MRTFA: variants seen among roughly 807,000 people sequenced by gnomAD.
MRTFA encodes myocardin related transcription factor A, also known as myocardin-related transcription factor A.
Under a neutral mutation model 83.5 loss-of-function variants are expected in MRTFA, and 20 were observed. The ratio of observed to expected loss-of-function variants is 0.24; its 90% confidence interval spans 0.17 to 0.35. The LOEUF is 0.35. MRTFA is among the 10% of genes least tolerant of loss of function. The pLI, the probability that MRTFA is intolerant of heterozygous loss-of-function variation, is 1.00. For missense variants in MRTFA, 1,200 were observed against 1,224.7 expected, an observed-to-expected ratio of 0.98 and a Z score of 0.30; for synonymous variants, 659 against 541.2, an observed-to-expected ratio of 1.22 and a Z score of -3.02.
chr22:40,553,164 T>C (rs915533438), intron 2 of MRTFA, among the ~76,000 whole-genome samples: 1 of 152,176 alleles, frequency 6.6e-6, no homozygotes, highest in African/African-American at 2.4e-5. Context: ...CGGCAAAGCA[T>C]TCAAGAGGAA....
chr22:40,543,702 A>T (rs7289389), intron 3 of MRTFA, among the ~76,000 whole-genome samples: 31,976 of 152,220 alleles, frequency 0.21, 3,880 homozygotes, highest in Admixed American at 0.39. Flanking sequence ...GAAAAATTTT[A>T]AAAACCCATT....
chr22:40,603,351 A>G (rs1027870866), intron 1 of MRTFA, among the ~76,000 whole-genome samples: 8 of 152,220 alleles, frequency 5.3e-5, no homozygotes, highest in Non-Finnish European at 1.0e-4. Context: ...AATTTACAAC[A>G]TCAAAAAGTA....
Position 40,423,569 on chromosome 22 carries a change from G to A in MRTFA, c.894C>T (p.Ile298=). Residue 298 remains isoleucine, a synonymous_variant, in exon 9 of 15, where the codon ATC becomes ATT. Transcript: ENST00000355630. The stretch of plus-strand genomic sequence containing the variant: ...GTGTGGGGGTGGACTTGGCAGTGGG[G>A]ATAGTGGTTCCATTGGTGAGGCTGG... 11 of 1,588,292 alleles carry A rather than the reference G, an allele frequency of 6.9e-6. No homozygotes were observed. Among genetic ancestry groups the A allele is most frequent in the Non-Finnish European group, 9.4e-6 (11 of 1,165,956 alleles).
intron 4 of MRTFA, among the ~76,000 whole-genome samples, chr22:40,442,249 T>C (rs1013222779): frequency 5.9e-5 from 9 of 152,322 alleles, no homozygotes; most frequent in Middle Eastern, 3.4e-3. Context: ...GTAATAAAAA[T>C]GATGGTTCCT....
At chr22:40,419,786 T>G (rs538446312) in intron 11 of MRTFA, among the ~76,000 whole-genome samples, 2 of 152,186 alleles carry the variant, frequency 1.3e-5, no homozygotes, top group Non-Finnish European at 2.9e-5. Context: ...AGGGAGAGCT[T>G]GGTCCAATCC....
At chr22:40,437,627 G>T (rs2053196514) in intron 4 of MRTFA, among the ~76,000 whole-genome samples, 1 of 152,004 alleles carries the variant, frequency 6.6e-6, no homozygotes, top group African/African-American at 2.4e-5. Flanking sequence ...TACAGGCATG[G>T]TAGAGGGTGC....
At chr22:40,544,063 G>T (rs2055328540) in intron 3 of MRTFA, among the ~76,000 whole-genome samples, 1 of 152,050 alleles carries the variant, frequency 6.6e-6, no homozygotes, top group Non-Finnish European at 1.5e-5. Context: ...TAGCTCTGTT[G>T]ATTAGTGGGG....
chr22:40,584,264 A>G (rs1206816326), intron 2 of MRTFA, among the ~76,000 whole-genome samples: 1 of 152,230 alleles, frequency 6.6e-6, no homozygotes, highest in Non-Finnish European at 1.5e-5. Flanking sequence ...AAGGGTTGTA[A>G]GCAATTTGCC....
At chr22:40,554,144 G>A (rs2055485044) in intron 2 of MRTFA, among the ~76,000 whole-genome samples, 1 of 152,194 alleles carries the variant, frequency 6.6e-6, no homozygotes, top group Admixed American at 6.5e-5. Context: ...CGATTTTACA[G>A]GCTCATAGGT....
At chr22:40,621,797 G>C (rs988224682) in intron 1 of MRTFA, among the ~76,000 whole-genome samples, 1 of 152,144 alleles carries the variant, frequency 6.6e-6, no homozygotes, top group Non-Finnish European at 1.5e-5. Flanking sequence ...AATTTTCCCT[G>C]CTGGATTTTG....
At chr22:40,539,596 G>T (rs1030093154) in intron 3 of MRTFA, among the ~76,000 whole-genome samples, 1 of 144,316 alleles carries the variant, frequency 6.9e-6, no homozygotes, top group African/African-American at 2.4e-5. Flanking sequence ...TCCGCCTCCC[G>T]GGTTCAAGCG....
In MRTFA at chr22:40,477,175, C is replaced by CA. The variant is rs55932110; in HGVS notation, c.242-13890dup. Among the ~76,000 whole-genome samples, 372 of 59,608 alleles carry CA rather than the reference C, an allele frequency of 6.2e-3. 5 individuals carry two copies. The highest frequency in any genetic ancestry group is 0.024 in the East Asian group (38 of 1,576). 39.1% of individuals were successfully genotyped at this position (59,608 alleles called of 152,430 possible). ...TGAAACCCTGTCTCTACTAAAAATA[C>CA]AAAAAAAAAAAAAAAAAAAAAAAAA... is the stretch of plus-strand genomic sequence containing the variant. On this transcript the variant is annotated intron_variant, in intron 3 of 14. Coordinates refer to ENST00000355630, the MANE Select transcript of MRTFA (RefSeq NM_020831.6).
chr22:40,435,936 CA>C (rs201938817), intron 4 of MRTFA, among the ~76,000 whole-genome samples: 3,408 of 106,684 alleles, frequency 0.032, 77 homozygotes, highest in African/African-American at 0.09. Context: ...AACCGTCCCC[CA>C]AAAAAAAAAA....
chr22:40,508,599 A>T (rs2147237558), intron 3 of MRTFA, among the ~76,000 whole-genome samples: 1 of 151,908 alleles, frequency 6.6e-6, no homozygotes, highest in South Asian at 2.1e-4. Flanking sequence ...TTCATACTGA[A>T]ATCTTTGGCC....
rs2052598537 is a variant in MRTFA, at chr22:40,413,169, A to ATGATGGGT, written c.2579-1270_2579-1263dup. On this transcript the variant is annotated intron_variant, in intron 14 of 14. Coordinates refer to ENST00000355630, the MANE Select transcript of MRTFA (RefSeq NM_020831.6). ...AAAAAAAAAAAAAAAAAAAAAGGTT[A>ATGATGGGT]TGATGGGTTGGGCACAGTGGCTCAC... 1.1e-4 allele frequency among the ~76,000 whole-genome samples: 16 copies of ATGATGGGT among 141,342 alleles called. No individual in the cohort carries two copies. In the South Asian group the frequency reaches 3.4e-3, roughly 30 times the overall value. The allele number at this position is 141,342 out of a possible 152,430, so 92.7% of individuals were successfully genotyped here.
intron 3 of MRTFA, among the ~76,000 whole-genome samples, chr22:40,468,279 G>C (rs1028070824): frequency 2.6e-5 from 4 of 152,060 alleles, no homozygotes; most frequent in Admixed American, 2.6e-4. Context: ...CTCTTCCACC[G>C]GTCATTTGTC....
intron 5 of MRTFA, among the ~76,000 whole-genome samples, chr22:40,434,374 A>T (rs895084481): frequency 6.6e-6 from 1 of 150,544 alleles, no homozygotes; most frequent in African/African-American, 2.5e-5. Flanking sequence ...GGAATGAAAG[A>T]AAGTTTAAAA....
chr22:40,419,397 C>G lies in MRTFA; in HGVS notation c.1354-13G>C. 1 of 1,611,844 alleles carries G rather than the reference C, an allele frequency of 6.2e-7. No homozygotes were observed. Among genetic ancestry groups the G allele is most frequent in the Non-Finnish European group, 8.5e-7 (1 of 1,179,732 alleles). ...TCAGCTCTGCCACCTGCAAGGCAGTCAAGAGTCAGGGAGGCCAGGGGCAGC... is the reference window on the plus strand; with the variant it reads ...TCAGCTCTGCCACCTGCAAGGCAGTGAAGAGTCAGGGAGGCCAGGGGCAGC... On this transcript the variant is annotated splice_polypyrimidine_tract_variant and intron_variant, in intron 11 of 14. Transcript: ENST00000355630.
chr22:40,496,748 T>C (rs1402854869), intron 3 of MRTFA, among the ~76,000 whole-genome samples: 10 of 146,906 alleles, frequency 6.8e-5, no homozygotes. Context: ...CTATTTTCTC[T>C]TTCTCCCTTT....
Sources: gnomAD v4.1 joint callset for allele counts (sites outside exome capture counted in the v4.1 genomes callset) on GRCh38, gnomAD v4.1.1 for gene constraint, MANE v1.5 for transcripts, NCBI Gene and HGNC (gene_info 2026-07-23, HGNC 2026-07-21) for gene names.